The following TMEM120B variants were observed in gnomAD, a reference collection of about 807,000 sequenced individuals.
The protein encoded by TMEM120B is transmembrane protein 120B.
In TMEM120B, 31 loss-of-function variants were observed where a neutral mutation model predicts 55.5. That is an observed-to-expected ratio of 0.56 (90% CI 0.42 to 0.75). The LOEUF (loss-of-function observed/expected upper bound fraction) is 0.75, where lower values mean the gene tolerates loss of function less well. Among genes scored for constraint, TMEM120B ranks in the 30% least tolerant of loss-of-function variants. TMEM120B has a pLI of 0.00. For synonymous variants in TMEM120B, 203 were observed against 176.3 expected (o/e 1.15, Z -1.20); for missense variants, 399 against 425.5 (o/e 0.94, Z 0.55).
At chr12:121,767,049 T>C (rs1873871808) in intron 6 of TMEM120B, among the ~76,000 whole-genome samples, 1 of 152,182 alleles carries the variant, frequency 6.6e-6, no homozygotes, top group South Asian at 2.1e-4. Flanking sequence ...AAGTCTACCC[T>C]TGCAATTTCC....
intron 6 of TMEM120B, 37 bp downstream of exon 6, chr12:121,761,775 G>T (rs746889024): frequency 6.5e-7 from 1 of 1,547,982 alleles, no homozygotes; most frequent in Admixed American, 1.7e-5. Flanking sequence ...AGCACAAGAG[G>T]AGTTAAAGGG....
chr12:121,773,553 G>A (rs1874133585), intron 9 of TMEM120B, 40 bp downstream of exon 9: 3 of 1,476,230 alleles, frequency 2.0e-6, no homozygotes, highest in Middle Eastern at 2.1e-4. Context: ...GGCAGGTACT[G>A]GACCTGCCAG....
At chr12:121,720,443 C>CTCAT (rs1464133216) in intron 1 of TMEM120B, among the ~76,000 whole-genome samples, 1 of 152,186 alleles carries the variant, frequency 6.6e-6, no homozygotes, top group East Asian at 1.9e-4. Flanking sequence ...GGCACAGTGG[C>CTCAT]TCATGCCTGT....
In TMEM120B at chr12:121,775,324, G is replaced by T. The variant is rs1432645612; in HGVS notation, c.906+194G>T. On this transcript the variant is annotated intron_variant, in intron 11 of 11. Transcript: ENST00000449592. The surrounding 1 kb of genome is among the most constrained non-coding windows in gnomAD (Gnocchi z 4.3). ...GGCGGGCTGGGCTGGCAGGTGTGGG[G>T]TGTTGTGGGGGGCCTGCTTGGCGGG... 1.2e-5 allele frequency: 9 copies of T among 748,720 alleles called. No individual in the cohort carries two copies. Among genetic ancestry groups the T allele is most frequent in the Non-Finnish European group, 1.5e-5 (9 of 614,450 alleles). The allele number at this position is 748,720 out of a possible 1,614,324, so 46.4% of individuals were successfully genotyped here.
At chr12:121,752,027 C>A (rs12824284) in intron 4 of TMEM120B, 101 bp from the exon 5 acceptor site, 26,679 of 925,822 alleles carry the variant, frequency 0.029, 573 homozygotes, top group Middle Eastern at 0.045. Context: ...TGGGCCATGG[C>A]AGTGGCTGAA....
chr12:121,746,875 G>A (rs528247847), intron 2 of TMEM120B, among the ~76,000 whole-genome samples: 63 of 151,866 alleles, frequency 4.1e-4, no homozygotes, highest in African/African-American at 8.7e-4. Context: ...GGAGAATGGC[G>A]TGAACCCAGG....
chr12:121,772,947 G>T (rs1388191932), intron 8 of TMEM120B, among the ~76,000 whole-genome samples: 1 of 152,156 alleles, frequency 6.6e-6, no homozygotes, highest in African/African-American at 2.4e-5. Context: ...TGTACATAGA[G>T]CTTTACTATT....
chr12:121,728,100 C>G (rs892545500), intron 1 of TMEM120B, among the ~76,000 whole-genome samples: 1 of 150,598 alleles, frequency 6.6e-6, no homozygotes, highest in Non-Finnish European at 1.5e-5. Flanking sequence ...CTCTGCCTTC[C>G]GGGTTCAAGT....
chr12:121,718,003 G>A (rs1894731477), intron 1 of TMEM120B, among the ~76,000 whole-genome samples: 1 of 152,156 alleles, frequency 6.6e-6, no homozygotes, highest in African/African-American at 2.4e-5. Flanking sequence ...ACACTGCACA[G>A]GGAATCAGTA....
At chr12:121,739,444 G>A (rs1445556737) in intron 1 of TMEM120B, among the ~76,000 whole-genome samples, 2 of 151,932 alleles carry the variant, frequency 1.3e-5, no homozygotes, top group Non-Finnish European at 2.9e-5. Flanking sequence ...GTGGGGTTAG[G>A]GGTGCCAATC....
intron 1 of TMEM120B, among the ~76,000 whole-genome samples, chr12:121,736,073 G>T (rs370733919): frequency 2.5e-4 from 38 of 152,184 alleles, no homozygotes; most frequent in African/African-American, 8.7e-4. Flanking sequence ...CAAACTTGCA[G>T]GGTGGTGAGT....
At chr12:121,753,895 C>T (rs572971852) in intron 5 of TMEM120B, among the ~76,000 whole-genome samples, 8 of 152,300 alleles carry the variant, frequency 5.3e-5, no homozygotes, top group African/African-American at 1.9e-4. Flanking sequence ...CTGGCTGGCA[C>T]GTGGAGGCGC....
intron 1 of TMEM120B, among the ~76,000 whole-genome samples, chr12:121,734,046 A>G (rs1334612089): frequency 6.6e-6 from 1 of 152,176 alleles, no homozygotes; most frequent in Non-Finnish European, 1.5e-5. Flanking sequence ...GACAGTCCAG[A>G]GGGCGGCGTG....
At chr12:121,759,582 G>A (rs1802320535) in intron 5 of TMEM120B, among the ~76,000 whole-genome samples, 1 of 151,932 alleles carries the variant, frequency 6.6e-6, no homozygotes, top group Non-Finnish European at 1.5e-5. Context: ...GGAGGCTGAG[G>A]CAAGAAAATC....
rs761442194 is a variant in TMEM120B, at chr12:121,740,724, G to A, written c.70-2905G>A. On this transcript the variant is annotated intron_variant, in intron 1 of 11. Transcript: ENST00000449592. Reference sequence around the variant, plus strand: ...TGGACATGCAGTTGAAACCCGTGTCGTTTAAGGGTCAGTTGCATTTGATAA... The same window carrying A: ...TGGACATGCAGTTGAAACCCGTGTCATTTAAGGGTCAGTTGCATTTGATAA... 7.9e-5 allele frequency among the ~76,000 whole-genome samples: 12 copies of A among 151,990 alleles called. No homozygotes were observed. The East Asian group carries it at 9.6e-4, about 12-fold the overall frequency.
chr12:121,719,782 CCT>C (rs1894762723), intron 1 of TMEM120B, among the ~76,000 whole-genome samples: 1 of 152,018 alleles, frequency 6.6e-6, no homozygotes, highest in Non-Finnish European at 1.5e-5. Flanking sequence ...GCAACCTCTG[CCT>C]CTCGGGTTCA....
intron 1 of TMEM120B, among the ~76,000 whole-genome samples, chr12:121,726,541 T>A (rs1282426785): frequency 6.7e-6 from 1 of 148,624 alleles, no homozygotes; most frequent in Non-Finnish European, 1.5e-5. Context: ...ATCGCGCTAC[T>A]GCACTCCAGC....
intron 1 of TMEM120B, among the ~76,000 whole-genome samples, chr12:121,726,130 G>A (rs551462090): frequency 2.0e-5 from 3 of 152,050 alleles, no homozygotes; most frequent in South Asian, 2.1e-4. Context: ...GAGTGACTGC[G>A]AAGAGACACC....
At chr12:121,714,431 TG>T (rs1894656935) in intron 1 of TMEM120B, among the ~76,000 whole-genome samples, 1 of 151,332 alleles carries the variant, frequency 6.6e-6, no homozygotes, top group African/African-American at 2.4e-5. Context: ...AATTTTTTTG[TG>T]TTTTAGTAGA....
Sources: gnomAD v4.1 joint callset for allele counts (sites outside exome capture counted in the v4.1 genomes callset) on GRCh38, gnomAD v4.1.1 for gene constraint, Gnocchi (gnomAD v3.1) non-coding constraint, MANE v1.5 for transcripts, NCBI Gene and HGNC (gene_info 2026-07-23, HGNC 2026-07-21) for gene names.